The following DOCK3 variants were observed in gnomAD, a reference collection of about 807,000 sequenced individuals.
DOCK3 encodes dedicator of cytokinesis protein 3.
In DOCK3, 60 loss-of-function variants were observed where a neutral mutation model predicts 265.6. The observed-to-expected ratio is 0.23, with a 90% CI of 0.18 to 0.28. The LOEUF is 0.28. DOCK3 is among the 10% of genes least tolerant of loss of function. The probability of loss-of-function intolerance (pLI) is 1.00; values close to 1 mark genes in which losing one functional copy is unlikely to be tolerated. For missense variants in DOCK3, 1,981 were observed against 2,594.3 expected (o/e 0.76, Z 5.14); for synonymous variants, 881 against 938.0 (o/e 0.94, Z 1.11).
chr3:51,139,258 G>GT (rs894769793), intron 9 of DOCK3, among the ~76,000 whole-genome samples: 1 of 150,244 alleles, frequency 6.7e-6, no homozygotes, highest in Non-Finnish European at 1.5e-5. Context: ...CTGCAGTGGG[G>GT]GGAGGGCTAA....
chr3:50,775,590 G>A (rs184673486), intron 1 of DOCK3, among the ~76,000 whole-genome samples: 22 of 152,052 alleles, frequency 1.4e-4, no homozygotes, highest in Non-Finnish European at 2.5e-4. Context: ...TTGACAGGGC[G>A]TTTCTTCTTA....
At chr3:51,309,766 T>C (rs1406979305) in intron 27 of DOCK3, among the ~76,000 whole-genome samples, 1 of 152,264 alleles carries the variant, frequency 6.6e-6, no homozygotes, top group Non-Finnish European at 1.5e-5. Flanking sequence ...ATTGCTTTCA[T>C]GGACAAGCAG....
At chr3:50,824,058 A>G (rs1384088028) in intron 2 of DOCK3, among the ~76,000 whole-genome samples, 1 of 152,156 alleles carries the variant, frequency 6.6e-6, no homozygotes. Flanking sequence ...AGCTATTTGG[A>G]ACTCACTGAG....
At chr3:51,014,613 C>T (rs780505678) in intron 5 of DOCK3, among the ~76,000 whole-genome samples, 20 of 151,994 alleles carry the variant, frequency 1.3e-4, no homozygotes, top group Non-Finnish European at 2.9e-4. Flanking sequence ...CTTTTTTGCT[C>T]AGAATGGTTT....
chr3:51,134,591 CT>C (rs1201434058), intron 9 of DOCK3, among the ~76,000 whole-genome samples: 3 of 152,138 alleles, frequency 2.0e-5, no homozygotes, highest in Non-Finnish European at 4.4e-5. Context: ...ATGGCATAGA[CT>C]TTCTAGTTGG....
At chr3:50,941,776 A>G (rs1297357014) in intron 5 of DOCK3, among the ~76,000 whole-genome samples, 2 of 152,098 alleles carry the variant, frequency 1.3e-5, no homozygotes, top group Non-Finnish European at 2.9e-5. Context: ...CAAGGGCATG[A>G]TGCTACTTAA....
intron 26 of DOCK3, 93 bp from the exon 27 acceptor site, chr3:51,280,013 C>G: frequency 1.0e-6 from 1 of 987,292 alleles, no homozygotes; most frequent in Non-Finnish European, 1.5e-6. Flanking sequence ...GGGGCCATCT[C>G]AGACCCTCCC....
chr3:50,753,276 A>G (rs2039949509), intron 1 of DOCK3, among the ~76,000 whole-genome samples: 1 of 152,148 alleles, frequency 6.6e-6, no homozygotes, highest in South Asian at 2.1e-4. Context: ...GATTTTATGT[A>G]TTTTATCTGT....
At chr3:51,322,699 T>C (rs1014038721) in intron 32 of DOCK3, among the ~76,000 whole-genome samples, 2 of 152,092 alleles carry the variant, frequency 1.3e-5, no homozygotes, top group Non-Finnish European at 2.9e-5. Flanking sequence ...TGCAAAAATA[T>C]ACCAAATTGT....
intron 5 of DOCK3, among the ~76,000 whole-genome samples, chr3:50,951,710 A>G (rs1393119262): frequency 1.3e-5 from 2 of 152,152 alleles, no homozygotes; most frequent in East Asian, 1.9e-4. Flanking sequence ...AATTTTAGCA[A>G]TGGTGTTTTA....
intron 40 of DOCK3, among the ~76,000 whole-genome samples, chr3:51,350,712 G>A (rs2085918293): frequency 6.6e-6 from 1 of 152,152 alleles, no homozygotes; most frequent in African/African-American, 2.4e-5. Context: ...TCCAGTGCCT[G>A]GAACCTCCAT....
chr3:51,214,637 A>G (rs1335600162), intron 14 of DOCK3, among the ~76,000 whole-genome samples: 1 of 152,250 alleles, frequency 6.6e-6, no homozygotes, highest in African/African-American at 2.4e-5. Context: ...AGAATATATC[A>G]AAATATATGC....
chr3:51,381,366 C>A lies in DOCK3; in HGVS notation c.5900C>A (p.Pro1967His). Residue 1967 changes from proline (P) to histidine (H), a missense_variant, in exon 53 of 53, where the codon CCC (proline) becomes CAC (histidine). Physicochemically the swap from Pro to His is moderately conservative, Grantham distance 77. Transcript: ENST00000266037. The surrounding 1 kb of genome is among the most constrained non-coding windows in gnomAD (Gnocchi z 5.6). The stretch of plus-strand genomic sequence containing the variant: ...CCAGGGTGCGTCATCCCTCAGGACC[C>A]CATGGACCCGCCTGCGCTGCCGCCC... ...SAPGCVIPQDPMDPPALPPKP... is the reference protein window; with the variant it reads ...SAPGCVIPQDHMDPPALPPKP... 1 of 1,613,050 alleles carries A rather than the reference C, an allele frequency of 6.2e-7. No individual in the cohort carries two copies. The highest frequency in any genetic ancestry group is 8.5e-7 in the Non-Finnish European group (1 of 1,179,834).
At position 51,097,987 on chromosome 3, in the gene DOCK3, G is replaced by A. The variant is rs976600298; in HGVS notation, c.746+7603G>A. The stretch of plus-strand genomic sequence containing the variant: ...ATGAGATGAGCTGGGTACCTCAATT[G>A]GAAATGCAGAAATCATCTGCCTTCT... On this transcript the variant is annotated intron_variant, in intron 9 of 52. Transcript: ENST00000266037. Among the ~76,000 whole-genome samples, 12 of 152,222 alleles carry A rather than the reference G, an allele frequency of 7.9e-5. 3 individuals are homozygous for A.
chr3:50,799,146 G>A (rs1026543097), intron 2 of DOCK3, among the ~76,000 whole-genome samples: 2 of 151,946 alleles, frequency 1.3e-5, no homozygotes, highest in East Asian at 1.9e-4. Context: ...GTTTTGAGGT[G>A]TAGTAGTATG....
chr3:51,282,653 CAAAA>C (rs1198884358), intron 27 of DOCK3, among the ~76,000 whole-genome samples: 2 of 81,494 alleles, frequency 2.5e-5, no homozygotes, highest in Admixed American at 1.2e-4. Context: ...AACTCTGTCT[CAAAA>C]AAAAAAAAAA....
intron 1 of DOCK3, among the ~76,000 whole-genome samples, chr3:50,699,597 A>G (rs1176240287): frequency 6.6e-6 from 1 of 151,752 alleles, no homozygotes; most frequent in Non-Finnish European, 1.5e-5. Context: ...GTATGGGAAT[A>G]TCTCCCTTTT....
intron 24 of DOCK3, among the ~76,000 whole-genome samples, chr3:51,274,824 C>T (rs998196067): frequency 1.3e-5 from 2 of 152,100 alleles, no homozygotes; most frequent in African/African-American, 4.8e-5. Flanking sequence ...TAACATTCAT[C>T]CTGCACAAAA....
chr3:50,729,725 T>C (rs1490630252), intron 1 of DOCK3, among the ~76,000 whole-genome samples: 3 of 152,090 alleles, frequency 2.0e-5, no homozygotes, highest in Non-Finnish European at 4.4e-5. Flanking sequence ...CTCGCCATGT[T>C]GTCCAGGCTG....
Sources: allele counts gnomAD v4.1 joint callset (sites outside exome capture counted in the v4.1 genomes callset), GRCh38; gene constraint gnomAD v4.1.1; non-coding constraint Gnocchi (gnomAD v3.1); transcripts MANE v1.5; gene names NCBI Gene and HGNC (gene_info 2026-07-23, HGNC 2026-07-21).